Variants in SH3PXD2B observed in about 807,000 individuals in gnomAD.
SH3PXD2B encodes the protein SH3 and PX domains 2B.
Under a neutral mutation model 73.1 loss-of-function variants are expected in SH3PXD2B, and 37 were observed. The observed-to-expected ratio is 0.51, with a 90% CI of 0.39 to 0.67. The LOEUF (loss-of-function observed/expected upper bound fraction) is 0.67. Ranked by LOEUF, SH3PXD2B falls within the 30% of genes least tolerant of loss-of-function variation. The pLI is 0.00. For synonymous variants in SH3PXD2B, 457 were observed against 480.5 expected (o/e 0.95, Z 0.64); for missense variants, 1,053 against 1,197.8 (o/e 0.88, Z 1.78).
chr5:172,439,690 GCGCACACACACACA>G (rs1375959353), intron 1 of SH3PXD2B, among the ~76,000 whole-genome samples: 23 of 113,234 alleles, frequency 2.0e-4, no homozygotes, highest in South Asian at 5.5e-4. Flanking sequence ...GCGCACGCGC[GCGCACACACACACA>G]CACACACACA....
At position 172,353,842 on chromosome 5, in the gene SH3PXD2B, G is replaced by A. The variant is rs372988570; in HGVS notation, c.785+46C>T. 49 of 1,524,764 alleles carry A rather than the reference G, an allele frequency of 3.2e-5. No individual in the cohort carries two copies. Among genetic ancestry groups the A allele is most frequent in the African/African-American group, 3.0e-4 (22 of 72,956 alleles). The allele number at this position is 1,524,764 out of a possible 1,614,324, so 94.5% of individuals were successfully genotyped here. On this transcript the variant is annotated intron_variant, in intron 9 of 12. Transcript: ENST00000311601. The surrounding 1 kb of genome is among the most constrained non-coding windows in gnomAD (Gnocchi z 4.3). ...CCCTGTGACCCCAAACCCACCCAGCGTGACCCCAAACCCACCCAGCAACCG... is the reference window on the plus strand; with the variant it reads ...CCCTGTGACCCCAAACCCACCCAGCATGACCCCAAACCCACCCAGCAACCG...
chr5:172,364,522 G>A (rs963863165), intron 6 of SH3PXD2B, among the ~76,000 whole-genome samples: 13 of 152,022 alleles, frequency 8.6e-5, no homozygotes, highest in Admixed American at 3.3e-4. Context: ...AAAAGGAGCT[G>A]GGCATGCTGG....
intron 1 of SH3PXD2B, among the ~76,000 whole-genome samples, chr5:172,435,783 G>A (rs1334465986): frequency 6.6e-6 from 1 of 152,170 alleles, no homozygotes; most frequent in Non-Finnish European, 1.5e-5. Context: ...GCCCTCTCCT[G>A]GCTCTGCAAG....
chr5:172,400,116 G>A (rs191443942), intron 3 of SH3PXD2B, among the ~76,000 whole-genome samples: 13 of 152,264 alleles, frequency 8.5e-5, no homozygotes, highest in South Asian at 4.1e-4. Context: ...CAGAGGAACC[G>A]GGACATTTGG....
intron 2 of SH3PXD2B, among the ~76,000 whole-genome samples, chr5:172,410,676 C>G (rs1352974056): frequency 6.6e-6 from 1 of 152,194 alleles, no homozygotes; most frequent in African/African-American, 2.4e-5. Flanking sequence ...TGGGAGGCAA[C>G]TTCAGGAGAT....
At position 172,445,987 on chromosome 5, in the gene SH3PXD2B, C is replaced by T. The variant is rs937262072; in HGVS notation, c.75+8291G>A. On this transcript the variant is annotated intron_variant, in intron 1 of 12. Transcript: ENST00000311601. This position sits in a 1 kb window ranked among gnomAD's most constrained non-coding sequence, Gnocchi z 5.2. ...GGAGGAGGCAGCCACACGAGCCCTG[C>T]CCCCGGCCCACTGCTGGAGGCACTG... Among the ~76,000 whole-genome samples the T allele has an allele frequency of 6.6e-6, 1 of 152,230 alleles. No individual in the cohort carries two copies. The highest frequency in any genetic ancestry group is 1.5e-5 in the Non-Finnish European group (1 of 68,036).
intron 5 of SH3PXD2B, among the ~76,000 whole-genome samples, chr5:172,374,033 G>A (rs1048372489): frequency 1.3e-5 from 2 of 152,114 alleles, no homozygotes; most frequent in African/African-American, 4.8e-5. Flanking sequence ...GGTGCCCTGG[G>A]GACCAGTGTC....
In SH3PXD2B at chr5:172,339,321, C is replaced by A; in HGVS notation, c.1784G>T (p.Gly595Val). Reference sequence around the variant, plus strand: ...CAAGACCTTGTGGCCACACTCCAGCCCCATGTCATTTTTCAGCTGGAACAG... The same window carrying A: ...CAAGACCTTGTGGCCACACTCCAGCACCATGTCATTTTTCAGCTGGAACAG... Reference protein sequence around the residue: ...SRLFQLKNDMGLECGHKVLAK... With the variant: ...SRLFQLKNDMVLECGHKVLAK... Residue 595 changes from glycine to valine, a missense_variant, in exon 13 of 13, where the codon GGG becomes GTG. Gly to Val is a moderately radical substitution (Grantham distance 109). Transcript: ENST00000311601. The surrounding 1 kb of genome is among the most constrained non-coding windows in gnomAD (Gnocchi z 6.1). 1 of 1,614,170 alleles carries A rather than the reference C, an allele frequency of 6.2e-7. No individual in the cohort carries two copies. Among genetic ancestry groups the A allele is most frequent in the Non-Finnish European group, 8.5e-7 (1 of 1,180,030 alleles).
At chr5:172,402,918 A>G (rs1215753361) in intron 3 of SH3PXD2B, among the ~76,000 whole-genome samples, 1 of 152,210 alleles carries the variant, frequency 6.6e-6, no homozygotes, top group East Asian at 1.9e-4. Flanking sequence ...CAGCAGGCCA[A>G]TTTGTCATTT....
At chr5:172,399,161 T>C (rs137988119) in intron 3 of SH3PXD2B, among the ~76,000 whole-genome samples, 9,241 of 152,272 alleles carry the variant, frequency 0.061, 422 homozygotes, top group African/African-American at 0.13. Context: ...CTTGGCTGAT[T>C]TTATTGGCAT....
Position 172,353,995 on chromosome 5 carries a change from G to A in SH3PXD2B, c.678C>T (p.Tyr226=), listed in dbSNP as rs755344797. ...GAGCTGTGTACGGGTAGATGACTGT[G>A]TACTTCTCCTCTGTGGGGACAAAAG... ...FSLQPEEEEK[Y]TVIYPYTARD... The change falls in exon 9 of 13, where the codon TAC becomes TAT. Residue 226 remains tyrosine (Y), a synonymous_variant. Transcript: ENST00000311601. This position sits in a 1 kb window ranked among gnomAD's most constrained non-coding sequence, Gnocchi z 4.3. 2.5e-6 allele frequency: 4 copies of A among 1,614,038 alleles called. No individual in the cohort carries two copies. Among genetic ancestry groups the A allele is most frequent in the Non-Finnish European group, 3.4e-6 (4 of 1,179,978 alleles).
At position 172,350,448 on chromosome 5, in the gene SH3PXD2B, C is replaced by T. The variant is rs141930827; in HGVS notation, c.927G>A (p.Ala309=). 83 of 1,614,120 alleles carry T rather than the reference C, an allele frequency of 5.1e-5. No individual in the cohort carries two copies. The highest frequency in any genetic ancestry group is 4.1e-4 in the African/African-American group (31 of 75,040). ...DLDGVSRQQN[A]VGREKELLSS... ...TGAGCAGCTCCTTCTCCCTGCCCACCGCGTTCTGCTGCCGGGAAACACCAT... is the reference window on the plus strand; with the variant it reads ...TGAGCAGCTCCTTCTCCCTGCCCACTGCGTTCTGCTGCCGGGAAACACCAT... Residue 309 remains alanine (A), a synonymous_variant, in exon 10 of 13, where the codon GCG becomes GCA. Coordinates refer to ENST00000311601, the MANE Select transcript of SH3PXD2B (RefSeq NM_001017995.3).
At chr5:172,325,546 A>G (rs1756431895) in intron 12 of SH3PXD2B, among the ~76,000 whole-genome samples, 1 of 152,240 alleles carries the variant, frequency 6.6e-6, no homozygotes, top group African/African-American at 2.4e-5. Flanking sequence ...TAGGAAGACC[A>G]TGATCAAGGC....
At chr5:172,352,971 A>G (rs1375837210) in intron 9 of SH3PXD2B, among the ~76,000 whole-genome samples, 1 of 151,974 alleles carries the variant, frequency 6.6e-6, no homozygotes, top group Non-Finnish European at 1.5e-5. Context: ...CAGGCTGAGG[A>G]GCCCCTCTTC....
intron 1 of SH3PXD2B, among the ~76,000 whole-genome samples, chr5:172,447,256 C>T (rs1759690315): frequency 6.6e-6 from 1 of 152,092 alleles, no homozygotes; most frequent in African/African-American, 2.4e-5. Flanking sequence ...TACACAGACT[C>T]ATATTTTCAT....
chr5:172,349,379 C>G (rs1303567086), intron 10 of SH3PXD2B, among the ~76,000 whole-genome samples: 1 of 152,228 alleles, frequency 6.6e-6, no homozygotes, highest in Non-Finnish European at 1.5e-5. Flanking sequence ...GTCCTGGGCA[C>G]CAGCGTGCCC....
At chr5:172,370,206 C>T (rs1757669593) in intron 6 of SH3PXD2B, among the ~76,000 whole-genome samples, 1 of 152,112 alleles carries the variant, frequency 6.6e-6, no homozygotes, top group Non-Finnish European at 1.5e-5. Context: ...AAGATGACTC[C>T]TTCTTGACTA....
At chr5:172,384,226 C>A (rs1351383101) in intron 4 of SH3PXD2B, among the ~76,000 whole-genome samples, 1 of 152,162 alleles carries the variant, frequency 6.6e-6, no homozygotes, top group African/African-American at 2.4e-5. Context: ...TGCAGCAGTA[C>A]TGGGCTCTCG....
chr5:172,329,081 A>ATCTTT (rs67185423), downstream of SH3PXD2B, among the ~76,000 whole-genome samples: 1 of 68,234 alleles, frequency 1.5e-5, no homozygotes. Flanking sequence ...ATATATATAT[A>ATCTTT]TATTTTTTTT....
Sources: gnomAD v4.1 joint callset for allele counts (sites outside exome capture counted in the v4.1 genomes callset) on GRCh38, gnomAD v4.1.1 for gene constraint, Gnocchi (gnomAD v3.1) non-coding constraint, MANE v1.5 for transcripts, NCBI Gene and HGNC (gene_info 2026-07-23, HGNC 2026-07-21) for gene names.